Variants in ITGA8 observed in about 807,000 individuals in gnomAD.
ITGA8 encodes the protein integrin alpha-8.
Under a neutral mutation model 142.3 loss-of-function variants are expected in ITGA8, and 91 were observed. The ratio of observed to expected loss-of-function variants is 0.64; its 90% CI spans 0.54 to 0.76. ITGA8 has a LOEUF of 0.76. ITGA8 is among the 30% of genes least tolerant of loss of function. The pLI, the probability that ITGA8 is intolerant of heterozygous loss-of-function variation, is 0.00. For synonymous variants in ITGA8, 505 were observed against 485.2 expected (o/e 1.04, Z -0.54); for missense variants, 1,406 against 1,327.7 (o/e 1.06, Z -0.92).
At chr10:15,598,259 C>T (rs543779215) in intron 20 of ITGA8, among the ~76,000 whole-genome samples, 1 of 152,186 alleles carries the variant, frequency 6.6e-6, no homozygotes, top group African/African-American at 2.4e-5. Context: ...AATTTCTGTC[C>T]CTGTGATAGG....
intron 4 of ITGA8, among the ~76,000 whole-genome samples, chr10:15,680,078 G>A (rs1189552747): frequency 2.6e-5 from 4 of 152,150 alleles, no homozygotes; most frequent in African/African-American, 9.7e-5. Context: ...TGATGACTGG[G>A]CATGCGCCTG....
chr10:15,703,588 A>G (rs1028830644), intron 2 of ITGA8, among the ~76,000 whole-genome samples: 1 of 152,206 alleles, frequency 6.6e-6, no homozygotes, highest in Non-Finnish European at 1.5e-5. Flanking sequence ...ATTAAAAACA[A>G]AAACAAAACC....
intron 24 of ITGA8, among the ~76,000 whole-genome samples, chr10:15,573,648 T>C (rs1459480408): frequency 6.6e-6 from 1 of 152,148 alleles, no homozygotes; most frequent in East Asian, 1.9e-4. Context: ...AAAGGCTTTA[T>C]TGTTAATCTT....
At chr10:15,573,035 A>C (rs1262736831) in intron 24 of ITGA8, among the ~76,000 whole-genome samples, 1 of 152,224 alleles carries the variant, frequency 6.6e-6, no homozygotes, top group African/African-American at 2.4e-5. Context: ...CATTTATTCC[A>C]GTGTTTTAAA....
chr10:15,620,958 A>C (rs1444620517), intron 13 of ITGA8, among the ~76,000 whole-genome samples: 1 of 152,242 alleles, frequency 6.6e-6, no homozygotes, highest in Non-Finnish European at 1.5e-5. Context: ...TTCTGTGCTT[A>C]GGAATTTAAA....
At chr10:15,713,560 GA>G (rs1311567445) in intron 2 of ITGA8, among the ~76,000 whole-genome samples, 3 of 151,962 alleles carry the variant, frequency 2.0e-5, no homozygotes, top group Admixed American at 2.0e-4. Context: ...CTTTGTTCCT[GA>G]ACAAAAACTG....
rs1176211583 is a variant in ITGA8, at chr10:15,620,908, TA to T, written c.1400-4350del. 2.6e-5 allele frequency among the ~76,000 whole-genome samples: 4 copies of T among 152,376 alleles called. No homozygotes were observed. In the East Asian group the frequency reaches 7.7e-4, roughly 29 times the overall value. ...TTATGTGTGCATGTGAAATGATATT[TA>T]AATAATACTCAGAAATAATATTTTA... On this transcript the variant is annotated intron_variant, in intron 13 of 29. Coordinates refer to ENST00000378076, the MANE Select transcript of ITGA8 (RefSeq NM_003638.3).
chr10:15,562,593 T>G lies in ITGA8; in HGVS notation c.2638-4391A>C, dbSNP rs535010808. Among the ~76,000 whole-genome samples the G allele has an allele frequency of 4.6e-5, 7 of 152,218 alleles. No homozygotes were observed. The East Asian group carries it at 1.4e-3, about 29-fold the overall frequency. ...AGCATTTATACCAGGGAAGAAAAAT[T>G]TTCTTGAAGAGAACAAGTGAGACCA... On this transcript the variant is annotated intron_variant, in intron 25 of 29. Transcript: ENST00000378076.
chr10:15,599,079 T>C (rs528803728), intron 20 of ITGA8, among the ~76,000 whole-genome samples: 2 of 26,440 alleles, frequency 7.6e-5, no homozygotes, highest in Non-Finnish European at 1.5e-4. Flanking sequence ...TTAGTTTCTA[T>C]AGTAAATTTT....
intron 6 of ITGA8, among the ~76,000 whole-genome samples, chr10:15,676,649 G>C (rs1179838179): frequency 6.6e-6 from 1 of 152,190 alleles, no homozygotes; most frequent in Non-Finnish European, 1.5e-5. Flanking sequence ...GCTTGGCAGA[G>C]CCTCAACACA....
chr10:15,524,640 C>T (rs1385520273), intron 28 of ITGA8, among the ~76,000 whole-genome samples: 1 of 152,202 alleles, frequency 6.6e-6, no homozygotes, highest in Non-Finnish European at 1.5e-5. Flanking sequence ...AAAGCTTTTC[C>T]TGAAACTCCA....
At chr10:15,671,844 A>G (rs914628026) in intron 7 of ITGA8, among the ~76,000 whole-genome samples, 197 bp from the exon 8 acceptor site, 1 of 150,742 alleles carries the variant, frequency 6.6e-6, no homozygotes, top group Non-Finnish European at 1.5e-5. Flanking sequence ...TCCTGAGTGC[A>G]TAATAGATTA....
intron 22 of ITGA8, among the ~76,000 whole-genome samples, chr10:15,591,431 T>A (rs539721924): frequency 6.9e-6 from 1 of 145,786 alleles, no homozygotes; most frequent in Admixed American, 6.9e-5. Context: ...TATATTATAT[T>A]ATATTATATT....
chr10:15,694,691 A>ATATATATATATATATG (rs1252262456), intron 2 of ITGA8, among the ~76,000 whole-genome samples: 1 of 134,914 alleles, frequency 7.4e-6, no homozygotes, highest in Non-Finnish European at 1.6e-5. Flanking sequence ...ATATATATAT[A>ATATATATATATATATG]TATATATATA....
At chr10:15,534,473 G>A (rs1833378551) in intron 27 of ITGA8, among the ~76,000 whole-genome samples, 1 of 152,182 alleles carries the variant, frequency 6.6e-6, no homozygotes, top group Admixed American at 6.5e-5. Flanking sequence ...AGGAGAGCTT[G>A]CTTAATCAAT....
At chr10:15,527,729 G>T (rs1262808811) in intron 28 of ITGA8, among the ~76,000 whole-genome samples, 1 of 152,090 alleles carries the variant, frequency 6.6e-6, no homozygotes, top group Non-Finnish European at 1.5e-5. Context: ...TGAAAAGGGA[G>T]TACAAACAAA....
chr10:15,664,460 A>G (rs1325512669), intron 8 of ITGA8, among the ~76,000 whole-genome samples: 2 of 152,064 alleles, frequency 1.3e-5, no homozygotes, highest in Non-Finnish European at 2.9e-5. Context: ...AAACTATGAA[A>G]GGATCTGTGA....
intron 13 of ITGA8, among the ~76,000 whole-genome samples, chr10:15,619,033 G>T (rs1343667801): frequency 6.6e-6 from 1 of 152,148 alleles, no homozygotes; most frequent in Non-Finnish European, 1.5e-5. Context: ...GAAAGTGAGT[G>T]GCCCAGCTTC....
chr10:15,606,355 G>GA lies in ITGA8; in HGVS notation c.1831dup (p.Ser611PhefsTer4). 6.2e-7 allele frequency: 1 copy of GA among 1,611,982 alleles called. No individual in the cohort carries two copies. The highest frequency in any genetic ancestry group is 8.5e-7 in the Non-Finnish European group (1 of 1,178,322). On this transcript the variant is annotated frameshift_variant, in exon 18 of 30. Coordinates refer to ENST00000378076, the MANE Select transcript of ITGA8 (RefSeq NM_003638.3). LOFTEE classifies it high-confidence loss of function. ...CACTTCCAGGCCTTCTTTAAAGGTG[G>GA]ATTCGTCCAAACTGTAATTCAAACT...
Sources: allele counts gnomAD v4.1 joint callset (sites outside exome capture counted in the v4.1 genomes callset), GRCh38; gene constraint gnomAD v4.1.1; transcripts MANE v1.5; gene names NCBI Gene and HGNC (gene_info 2026-07-23, HGNC 2026-07-21).